Variants in LRRC49 observed in about 807,000 individuals in gnomAD.
The protein encoded by LRRC49 is leucine rich repeat containing 49, also known as leucine-rich repeat-containing protein 49.
In LRRC49, 50 loss-of-function variants were observed where a neutral mutation model predicts 83.3. That is an observed-to-expected ratio of 0.60 (90% CI 0.48 to 0.76). The LOEUF is 0.76. LRRC49 is among the 30% of genes least tolerant of loss of function. The pLI is 0.00. For missense variants in LRRC49, 704 were observed against 809.1 expected, an observed-to-expected ratio of 0.87 and a Z score of 1.58; for synonymous variants, 286 against 283.3, an observed-to-expected ratio of 1.01 and a Z score of -0.10.
intron 11 of LRRC49, among the ~76,000 whole-genome samples, chr15:71,001,978 A>G (rs764709297): frequency 5.9e-5 from 9 of 152,354 alleles, no homozygotes; most frequent in Middle Eastern, 6.8e-3. Flanking sequence ...GGCGTGAGCC[A>G]CCGTGCCCGG....
intron 15 of LRRC49, among the ~76,000 whole-genome samples, chr15:71,046,547 G>T (rs967302698): frequency 3.9e-5 from 6 of 152,048 alleles, no homozygotes; most frequent in African/African-American, 1.2e-4. Flanking sequence ...TTTTACTGGG[G>T]TTATTTGGTT....
chr15:70,867,773 A>C (rs562556599), intron 1 of LRRC49, among the ~76,000 whole-genome samples: 6 of 152,294 alleles, frequency 3.9e-5, no homozygotes, highest in Admixed American at 3.9e-4. Flanking sequence ...GGGCACTGGA[A>C]AGACTTTTGC....
chr15:70,948,433 T>G (rs561504886), intron 8 of LRRC49, among the ~76,000 whole-genome samples: 25 of 152,126 alleles, frequency 1.6e-4, no homozygotes, highest in Non-Finnish European at 3.4e-4. Flanking sequence ...TAAAATGTAC[T>G]TGTATTAATA....
At chr15:70,965,193 A>G (rs1030200094) in intron 9 of LRRC49, among the ~76,000 whole-genome samples, 2 of 152,172 alleles carry the variant, frequency 1.3e-5, no homozygotes, top group African/African-American at 4.8e-5. Flanking sequence ...TGAGTGGGAT[A>G]AGATTTAGAG....
At chr15:70,909,007 A>G (rs1567046834) in intron 5 of LRRC49, among the ~76,000 whole-genome samples, 1 of 152,156 alleles carries the variant, frequency 6.6e-6, no homozygotes, top group Non-Finnish European at 1.5e-5. Flanking sequence ...ACAGATAGGG[A>G]GTGAATATGT....
chr15:71,009,840 C>A lies in LRRC49; in HGVS notation c.1441C>A (p.Leu481Met). The change falls in exon 13 of 16, where the codon CTG becomes ATG. Residue 481 changes from leucine to methionine, a missense_variant. Around this residue, in one of 3 missense-constraint regions of LRRC49, gnomAD observed 275 missense variants for 338.0 expected, o/e 0.81. Transcript: ENST00000260382. The stretch of plus-strand genomic sequence containing the variant: ...ATTCAAGGAAACAAATCTTGTAATG[C>A]TGCAGCAATTTAACGCACTAGCCCA... ...LKFKETNLVM[L>M]QQFNALAQLR... The A allele has an allele frequency of 6.2e-7, 1 of 1,611,944 alleles. No individual in the cohort carries two copies.
chr15:71,023,201 G>C (rs1196649077), intron 14 of LRRC49, among the ~76,000 whole-genome samples: 3 of 152,132 alleles, frequency 2.0e-5, no homozygotes. Context: ...AAGAATAAAA[G>C]CTGAAAGTGA....
rs183688257 is a variant in LRRC49 at position 70,964,897 on chromosome 15, A to G, written c.921+965A>G. ...TATTTCTTTGTATATTAGCATCACAATGTGTGCAGTTTTCATTTATGCGTT... is the reference window on the plus strand; with the variant it reads ...TATTTCTTTGTATATTAGCATCACAGTGTGTGCAGTTTTCATTTATGCGTT... On this transcript the variant is annotated intron_variant, in intron 9 of 15. Coordinates refer to ENST00000260382, the MANE Select transcript of LRRC49 (RefSeq NM_017691.5). Among the ~76,000 whole-genome samples, 3 of 152,218 alleles carry G rather than the reference A, an allele frequency of 2.0e-5. 1 individual carries two copies. The highest frequency in any genetic ancestry group is 1.3e-4 in the Admixed American group (2 of 15,274).
chr15:70,936,862 A>G lies in LRRC49; in HGVS notation c.773+40A>G. 4 of 1,284,348 alleles carry G rather than the reference A, an allele frequency of 3.1e-6. No homozygotes were observed. The East Asian group carries it at 9.2e-5, about 30-fold the overall frequency. 79.6% of individuals were successfully genotyped at this position (1,284,348 alleles called of 1,614,324 possible). ...CCAAGTTGTCATTCATTATAACTTGATTGTGTGAGTTCTAGTGCTTTAGAT... is the reference window on the plus strand; with the variant it reads ...CCAAGTTGTCATTCATTATAACTTGGTTGTGTGAGTTCTAGTGCTTTAGAT... On this transcript the variant is annotated intron_variant, in intron 8 of 15. Coordinates refer to ENST00000260382, the MANE Select transcript of LRRC49 (RefSeq NM_017691.5).
chr15:70,995,685 G>C (rs2038051530), intron 11 of LRRC49, among the ~76,000 whole-genome samples: 1 of 152,148 alleles, frequency 6.6e-6, no homozygotes, highest in African/African-American at 2.4e-5. Flanking sequence ...GTGGATTGCA[G>C]ACTATTAACG....
Position 71,050,615 on chromosome 15 carries a change from A to T in LRRC49, c.*1003A>T, listed in dbSNP as rs1284827008. The T allele has an allele frequency of 6.6e-6, 1 of 152,154 alleles. No individual in the cohort carries two copies. Among genetic ancestry groups the T allele is most frequent in the East Asian group, 1.9e-4 (1 of 5,178 alleles). 9.4% of individuals were successfully genotyped at this position (152,154 alleles called of 1,614,324 possible). ...ACCTAGCAGCTATTATGTCAGCAGG[A>T]CCACCAGGATATGGGAAAACAGGAC... On this transcript the variant is annotated 3_prime_UTR_variant, in exon 16 of 16. Transcript: ENST00000260382.
At chr15:70,977,800 A>AAT (rs2037260738) in intron 9 of LRRC49, among the ~76,000 whole-genome samples, 1 of 152,004 alleles carries the variant, frequency 6.6e-6, no homozygotes, top group Non-Finnish European at 1.5e-5. Context: ...TATCTATCTA[A>AAT]AATCAGTAAA....
chr15:70,940,682 T>C (rs900154734), intron 8 of LRRC49, among the ~76,000 whole-genome samples: 4 of 152,252 alleles, frequency 2.6e-5, no homozygotes, highest in African/African-American at 9.6e-5. Flanking sequence ...CCCTTAGTTC[T>C]AGTATGCAGC....
At chr15:71,021,989 G>A (rs1044715086) in intron 14 of LRRC49, among the ~76,000 whole-genome samples, 26 of 152,164 alleles carry the variant, frequency 1.7e-4, no homozygotes, top group Non-Finnish European at 7.4e-5. Context: ...CATTTTAAAG[G>A]ACGTGGATGC....
At chr15:70,865,024 T>C (rs1567029132) in intron 1 of LRRC49, among the ~76,000 whole-genome samples, 1 of 152,180 alleles carries the variant, frequency 6.6e-6, no homozygotes, top group Non-Finnish European at 1.5e-5. Flanking sequence ...TTTCTTCCTT[T>C]TTTCTCCTGC....
chr15:70,965,912 CT>C (rs1335993847), intron 9 of LRRC49, among the ~76,000 whole-genome samples: 6 of 151,960 alleles, frequency 3.9e-5, no homozygotes, highest in African/African-American at 1.2e-4. Flanking sequence ...TTTTTAAGGA[CT>C]TTTTATAACA....
At chr15:70,959,317 C>G (rs1441354662) in intron 8 of LRRC49, among the ~76,000 whole-genome samples, 2 of 152,222 alleles carry the variant, frequency 1.3e-5, no homozygotes, top group East Asian at 3.9e-4. Flanking sequence ...TGGTGAAACC[C>G]TGTCTCTACT....
intron 7 of LRRC49, among the ~76,000 whole-genome samples, chr15:70,936,268 A>AT (rs2141157323): frequency 6.6e-6 from 1 of 152,278 alleles, no homozygotes; most frequent in Admixed American, 6.5e-5. Flanking sequence ...TCATTAGTGT[A>AT]TTGGTTCATT....
intron 9 of LRRC49, among the ~76,000 whole-genome samples, chr15:70,970,338 GT>G (rs1261833320): frequency 6.6e-6 from 1 of 152,154 alleles, no homozygotes; most frequent in African/African-American, 2.4e-5. Flanking sequence ...TGGGTTGATC[GT>G]GGTGGATAAG....
Sources: gnomAD v4.1 joint callset for allele counts (sites outside exome capture counted in the v4.1 genomes callset) on GRCh38, gnomAD v4.1.1 for gene constraint, gnomAD v4.1.1 regional missense constraint, MANE v1.5 for transcripts, NCBI Gene and HGNC (gene_info 2026-07-23, HGNC 2026-07-21) for gene names.